The following NMT1 variants were observed in gnomAD, a reference collection of about 807,000 sequenced individuals.
NMT1 encodes the protein N-myristoyltransferase 1.
NMT1 carries 12 observed loss-of-function variants against 63.4 expected under a neutral mutation model. That is an observed-to-expected ratio of 0.19 (90% confidence interval 0.12 to 0.31). The LOEUF is 0.31. NMT1 is among the 10% of genes least tolerant of loss of function. The pLI is 1.00. For missense variants in NMT1, 432 were observed against 634.6 expected (o/e 0.68, Z 3.43); for synonymous variants, 228 against 234.3 (o/e 0.97, Z 0.25).
Position 45,104,205 on chromosome 17 carries a change from G to C in NMT1, c.1332+329G>C, listed in dbSNP as rs2054188392. ...CACAGCTTTCCCAGCGTGGGAAAGG[G>C]GTGATTGCTGTCTGTCGTGGTGAGT... is the stretch of plus-strand genomic sequence containing the variant. On this transcript the variant is annotated intron_variant, in intron 10 of 11. Transcript: ENST00000258960. This position sits in a 1 kb window ranked among gnomAD's most constrained non-coding sequence, Gnocchi z 4.2. 3.2e-6 allele frequency: 4 copies of C among 1,246,130 alleles called. No homozygotes were observed. The highest frequency in any genetic ancestry group is 4.1e-6 in the Non-Finnish European group (4 of 979,620). The allele number at this position is 1,246,130 out of a possible 1,614,324, so 77.2% of individuals were successfully genotyped here.
intron 3 of NMT1, among the ~76,000 whole-genome samples, chr17:45,092,309 T>C (rs1057176929): frequency 6.6e-6 from 1 of 152,126 alleles, no homozygotes; most frequent in African/African-American, 2.4e-5. Context: ...ATGTGTCTGA[T>C]GGAAGAGGGT....
At chr17:45,095,589 ACTGCCCCCG>A (rs1237521565) in intron 4 of NMT1, among the ~76,000 whole-genome samples, 1 of 152,048 alleles carries the variant, frequency 6.6e-6, no homozygotes, top group African/African-American at 2.4e-5. Flanking sequence ...ATATAGTGAG[ACTGCCCCCG>A]CTACAAAAGA....
At chr17:45,080,390 C>T (rs2054009376) in intron 1 of NMT1, among the ~76,000 whole-genome samples, 1 of 151,116 alleles carries the variant, frequency 6.6e-6, no homozygotes, top group Non-Finnish European at 1.5e-5. Flanking sequence ...GAACTCTGCA[C>T]CTCAGGTGAT....
At chr17:45,102,433 T>A (rs190657061) in intron 8 of NMT1, among the ~76,000 whole-genome samples, 95 of 152,288 alleles carry the variant, frequency 6.2e-4, no homozygotes, top group Middle Eastern at 6.8e-3. Context: ...CACAGCCGTG[T>A]CTCTCTGGGA....
chr17:45,087,965 C>T (rs1015754330), intron 3 of NMT1, among the ~76,000 whole-genome samples: 1 of 152,182 alleles, frequency 6.6e-6, no homozygotes, highest in African/African-American at 2.4e-5. Flanking sequence ...GGCCCCACCC[C>T]AAAGCTGCAG....
At chr17:45,066,253 C>T (rs2053902047) in intron 1 of NMT1, among the ~76,000 whole-genome samples, 2 of 151,934 alleles carry the variant, frequency 1.3e-5, no homozygotes, top group Admixed American at 6.6e-5. Flanking sequence ...GGGGTTTCAC[C>T]GTTGTTGCCC....
chr17:45,063,426 GAA>G (rs1567859502), intron 1 of NMT1, among the ~76,000 whole-genome samples: 1 of 151,960 alleles, frequency 6.6e-6, no homozygotes, highest in Non-Finnish European at 1.5e-5. Context: ...GTAGAGATCT[GAA>G]TCACAGATGA....
At chr17:45,095,374 C>T (rs1175496860) in intron 4 of NMT1, among the ~76,000 whole-genome samples, 2 of 152,208 alleles carry the variant, frequency 1.3e-5, no homozygotes, top group Non-Finnish European at 1.5e-5. Flanking sequence ...TCCCAAAGTG[C>T]TGGGATTACA....
intron 8 of NMT1, among the ~76,000 whole-genome samples, chr17:45,101,203 A>G (rs1230861977): frequency 6.6e-6 from 1 of 151,362 alleles, no homozygotes; most frequent in Non-Finnish European, 1.5e-5. Context: ...AACAACAACA[A>G]AAAAAGGATT....
At chr17:45,074,802 C>A (rs2053967607) in intron 1 of NMT1, among the ~76,000 whole-genome samples, 1 of 152,184 alleles carries the variant, frequency 6.6e-6, no homozygotes, top group Non-Finnish European at 1.5e-5. Flanking sequence ...TCTGGCCAAT[C>A]TCAGTTTGAA....
At chr17:45,063,940 A>C (rs1034258982) in intron 1 of NMT1, among the ~76,000 whole-genome samples, 1 of 151,604 alleles carries the variant, frequency 6.6e-6, no homozygotes, top group Admixed American at 6.6e-5. Flanking sequence ...TAATCCCATC[A>C]CTCTGGGAGG....
At chr17:45,092,966 A>G (rs1306910310) in intron 3 of NMT1, among the ~76,000 whole-genome samples, 2 of 152,194 alleles carry the variant, frequency 1.3e-5, no homozygotes, top group African/African-American at 4.8e-5. Flanking sequence ...CTCTCAGCAT[A>G]TATGAGTCCG....
In NMT1 at chr17:45,104,787, C is replaced by T. The variant is rs1017704060; in HGVS notation, c.1333-72C>T. The T allele has an allele frequency of 3.3e-5, 52 of 1,590,094 alleles. No individual in the cohort carries two copies. Among genetic ancestry groups the T allele is most frequent in the Admixed American group, 5.1e-5 (3 of 58,274 alleles). On this transcript the variant is annotated intron_variant, in intron 10 of 11. Transcript: ENST00000258960. The surrounding 1 kb of genome is among the most constrained non-coding windows in gnomAD (Gnocchi z 4.2). ...TGCCCACAGGACAGCTTTGAAATGG[C>T]AGCAAAGGGGTAGGAAGGAGGCTGT...
At position 45,104,045 on chromosome 17, in the gene NMT1, TGGA is replaced by T; in HGVS notation, c.1332+172_1332+174del. 1 of 1,561,848 alleles carries T rather than the reference TGGA, an allele frequency of 6.4e-7. No homozygotes were observed. The highest frequency in any genetic ancestry group is 1.4e-5 in the African/African-American group (1 of 73,848). On this transcript the variant is annotated intron_variant, in intron 10 of 11. Coordinates refer to ENST00000258960, the MANE Select transcript of NMT1 (RefSeq NM_021079.5). This position sits in a 1 kb window ranked among gnomAD's most constrained non-coding sequence, Gnocchi z 4.2. ...AGTTTTTAGGCAGAAACTCAAAACT[TGGA>T]GGGAACAAGGAGCATCCGAAGTGAA...
Position 45,104,775 on chromosome 17 carries a change from G to A in NMT1, c.1333-84G>A. 1 of 1,582,924 alleles carries A rather than the reference G, an allele frequency of 6.3e-7. No homozygotes were observed. The highest frequency in any genetic ancestry group is 1.1e-5 in the South Asian group (1 of 87,438). ...TGTTCTTGTGGCTGCCCACAGGACA[G>A]CTTTGAAATGGCAGCAAAGGGGTAG... On this transcript the variant is annotated intron_variant, in intron 10 of 11. Transcript: ENST00000258960. The surrounding 1 kb of genome is among the most constrained non-coding windows in gnomAD (Gnocchi z 4.2).
At chr17:45,092,550 A>G (rs192002910) in intron 3 of NMT1, among the ~76,000 whole-genome samples, 1 of 150,900 alleles carries the variant, frequency 6.6e-6, no homozygotes, top group East Asian at 2.0e-4. Context: ...AAAAAAAAAC[A>G]AAACACCAAA....
rs2054178492 is a variant in NMT1, at chr17:45,103,068, G to T, written c.1111G>T (p.Val371Leu). ...HLTPVMSQEE[V>L]EHWFYPQENI... The stretch of plus-strand genomic sequence containing the variant: ...TACGCCCGTCATGAGCCAGGAGGAG[G>T]TGGAGCACTGGTTCTACCCCCAGGA... The change falls in exon 9 of 12, where the codon GTG becomes TTG. Residue 371 changes from valine (V) to leucine (L), a missense_variant. Around this residue, in one of 4 missense-constraint regions of NMT1, gnomAD observed 295 missense variants for 489.7 expected, o/e 0.60. Coordinates refer to ENST00000258960, the MANE Select transcript of NMT1 (RefSeq NM_021079.5). The surrounding 1 kb of genome is among the most constrained non-coding windows in gnomAD (Gnocchi z 4.8). 1 of 1,613,910 alleles carries T rather than the reference G, an allele frequency of 6.2e-7. No homozygotes were observed.
intron 2 of NMT1, among the ~76,000 whole-genome samples, chr17:45,082,222 C>T (rs1299927138): frequency 6.6e-6 from 1 of 151,792 alleles, no homozygotes; most frequent in Non-Finnish European, 1.5e-5. Flanking sequence ...CCTCCCACCT[C>T]AGCCTCCCAA....
chr17:45,093,464 C>G (rs946612494), intron 3 of NMT1, among the ~76,000 whole-genome samples: 4 of 152,260 alleles, frequency 2.6e-5, no homozygotes, highest in Admixed American at 6.5e-5. Context: ...CACGAACCAC[C>G]TTGGATCCCA....
Sources: gnomAD v4.1 joint callset for allele counts (sites outside exome capture counted in the v4.1 genomes callset) on GRCh38, gnomAD v4.1.1 for gene constraint, gnomAD v4.1.1 regional missense constraint, Gnocchi (gnomAD v3.1) non-coding constraint, MANE v1.5 for transcripts, NCBI Gene and HGNC (gene_info 2026-07-23, HGNC 2026-07-21) for gene names.